Variants in CCNY observed in about 807,000 individuals in gnomAD.
CCNY encodes cyclin-Y.
A neutral mutation model predicts 42.8 loss-of-function variants in CCNY; 19 were observed. The observed-to-expected ratio is 0.44, with a 90% CI of 0.31 to 0.65. CCNY has a LOEUF of 0.65. Among genes scored for constraint, CCNY ranks in the 30% least tolerant of loss-of-function variants. The pLI is 0.07. For synonymous variants in CCNY, 165 were observed against 162.7 expected (o/e 1.01, Z -0.11); for missense variants, 370 against 437.3 (o/e 0.85, Z 1.37).
chr10:35,571,397 C>T lies in CCNY; in HGVS notation c.*2227C>T, dbSNP rs933913122. 6.6e-6 allele frequency: 1 copy of T among 152,278 alleles called. No homozygotes were observed. Among genetic ancestry groups the T allele is most frequent in the Non-Finnish European group, 1.5e-5 (1 of 68,024 alleles). The allele number at this position is 152,278 out of a possible 1,614,324, so 9.4% of individuals were successfully genotyped here. On this transcript the variant is annotated 3_prime_UTR_variant, in exon 10 of 10. Transcript: ENST00000374704. ...AAAATTTAAAGTGGATTCCATAAAA[C>T]CAGACTCAAGTCTTGTTTAGACTAC...
chr10:35,379,764 C>T (rs770597401), intron 1 of CCNY, among the ~76,000 whole-genome samples: 13 of 152,204 alleles, frequency 8.5e-5, no homozygotes, highest in Admixed American at 2.6e-4. Flanking sequence ...AGAATTCTCT[C>T]GTGCTTGCCT....
chr10:35,463,382 CAATG>C (rs1421839381), intron 1 of CCNY, among the ~76,000 whole-genome samples: 2 of 152,164 alleles, frequency 1.3e-5, no homozygotes, highest in Non-Finnish European at 2.9e-5. Flanking sequence ...ACCTCAGTAA[CAATG>C]GACGTAGAAT....
rs1177072692 is a variant in CCNY, at chr10:35,431,401, CCTCTCTCTCT to C, written c.155-51955_155-51946del. 5.6e-3 allele frequency among the ~76,000 whole-genome samples: 17 copies of C among 3,060 alleles called. 2 individuals carry two copies. The highest frequency in any genetic ancestry group is 0.032 in the East Asian group (2 of 62). 2.0% of individuals were successfully genotyped at this position (3,060 alleles called of 152,430 possible). A position where few individuals can be genotyped will look rare whatever the true frequency, so the allele number is the denominator to read the frequency against. On this transcript the variant is annotated intron_variant, in intron 1 of 9. Transcript: ENST00000374704. ...CCCTTCCCCTCCCCTCCCCTCCCCT[CCTCTCTCTCT>C]CTCTCTCTCTCTCTCTCTCTCTCTC... is the stretch of plus-strand genomic sequence containing the variant.
intron 3 of CCNY, among the ~76,000 whole-genome samples, chr10:35,256,609 G>A (rs1177896004): frequency 6.6e-6 from 1 of 151,954 alleles, no homozygotes; most frequent in Non-Finnish European, 1.5e-5. Flanking sequence ...GCGGGTGCCT[G>A]TAATCCCAGC....
At chr10:35,568,965 C>A (rs1471672608) in intron 9 of CCNY, 89 bp from the exon 10 acceptor site, 5 of 834,812 alleles carry the variant, frequency 6.0e-6, no homozygotes, top group Non-Finnish European at 6.1e-6. Context: ...CTGCCTGTCC[C>A]TCATGCAGCG....
At chr10:35,389,204 T>A (rs1837358712) in intron 1 of CCNY, among the ~76,000 whole-genome samples, 1 of 152,162 alleles carries the variant, frequency 6.6e-6, no homozygotes, top group Admixed American at 6.5e-5. Context: ...TATTAGAAGT[T>A]GTCTGTTTAT....
chr10:35,543,848 C>T (rs1054814820), intron 7 of CCNY, among the ~76,000 whole-genome samples: 3 of 152,094 alleles, frequency 2.0e-5, no homozygotes, highest in African/African-American at 7.2e-5. Flanking sequence ...CGGAAAACAG[C>T]GATATTGATC....
At chr10:35,456,193 A>G (rs1054380878) in intron 1 of CCNY, among the ~76,000 whole-genome samples, 1 of 152,146 alleles carries the variant, frequency 6.6e-6, no homozygotes, top group African/African-American at 2.4e-5. Context: ...ACCATTCACC[A>G]GTGTTATGGA....
intron 1 of CCNY, among the ~76,000 whole-genome samples, chr10:35,454,252 A>G (rs1182815254): frequency 6.6e-6 from 1 of 152,244 alleles, no homozygotes; most frequent in African/African-American, 2.4e-5. Context: ...CCCCAGGTCC[A>G]GGGTTTCACA....
chr10:35,519,554 A>C (rs918208908), intron 4 of CCNY, among the ~76,000 whole-genome samples: 2 of 151,650 alleles, frequency 1.3e-5, no homozygotes, highest in African/African-American at 4.8e-5. Flanking sequence ...GTGGACAGCT[A>C]CCCTCCCCTC....
intron 7 of CCNY, among the ~76,000 whole-genome samples, chr10:35,543,092 T>C (rs1418073243): frequency 6.6e-6 from 1 of 152,188 alleles, no homozygotes; most frequent in Non-Finnish European, 1.5e-5. Flanking sequence ...AAAATTTCAG[T>C]AAAGAATGCT....
At chr10:35,546,476 G>A (rs1841118377) in intron 7 of CCNY, among the ~76,000 whole-genome samples, 1 of 152,152 alleles carries the variant, frequency 6.6e-6, no homozygotes, top group South Asian at 2.1e-4. Flanking sequence ...TGACCTGTTA[G>A]CAATGGTCGT....
At chr10:35,540,268 G>A (rs1840971614) in intron 7 of CCNY, among the ~76,000 whole-genome samples, 1 of 152,138 alleles carries the variant, frequency 6.6e-6, no homozygotes, top group South Asian at 2.1e-4. Flanking sequence ...AATTTGTGTA[G>A]TGTTTTTATT....
chr10:35,347,814 G>A (rs987581522), intron 1 of CCNY, among the ~76,000 whole-genome samples: 1 of 152,124 alleles, frequency 6.6e-6, no homozygotes, highest in Non-Finnish European at 1.5e-5. Context: ...TTAGTGCAAT[G>A]ATAATAATCC....
chr10:35,376,320 C>T (rs11595300), intron 1 of CCNY, among the ~76,000 whole-genome samples: 9 of 151,994 alleles, frequency 5.9e-5, no homozygotes, highest in African/African-American at 9.7e-5. Context: ...AGGTGTATGC[C>T]GAAGATAACT....
intron 3 of CCNY, among the ~76,000 whole-genome samples, chr10:35,256,462 G>A (rs923725713): frequency 5.3e-5 from 8 of 152,052 alleles, no homozygotes; most frequent in African/African-American, 1.4e-4. Context: ...AAGGCTGGGC[G>A]GTGGCTCACA....
In CCNY at chr10:35,336,668, C is replaced by T. The variant is rs1044468295; in HGVS notation, c.-386C>T. ...GCCGAGGCGGCCGCCGTCGCCGCAG[C>T]CGCCGGGGAAGCGGACACCAACTGG... On this transcript the variant is annotated 5_prime_UTR_variant, in exon 1 of 10. Coordinates refer to ENST00000374704, the MANE Select transcript of CCNY (RefSeq NM_145012.6). Among the ~76,000 whole-genome samples the T allele has an allele frequency of 1.4e-5, 2 of 147,908 alleles. No homozygotes were observed. The highest frequency in any genetic ancestry group is 2.4e-5 in the African/African-American group (1 of 41,108).
chr10:35,428,150 A>G (rs1838309685), intron 1 of CCNY, among the ~76,000 whole-genome samples: 2 of 152,232 alleles, frequency 1.3e-5, no homozygotes, highest in African/African-American at 4.8e-5. Flanking sequence ...TGTGGAACAA[A>G]GCAGATGCTG....
chr10:35,300,286 A>T (rs1289933633), intron 3 of CCNY, among the ~76,000 whole-genome samples: 4 of 152,204 alleles, frequency 2.6e-5, no homozygotes, highest in Non-Finnish European at 5.9e-5. Flanking sequence ...TCATCAAAGC[A>T]GCAAGGCTGC....
Sources: allele counts gnomAD v4.1 joint callset (sites outside exome capture counted in the v4.1 genomes callset), GRCh38; gene constraint gnomAD v4.1.1; transcripts MANE v1.5; gene names NCBI Gene and HGNC (gene_info 2026-07-23, HGNC 2026-07-21).